Variants in RCAN1 observed in about 807,000 individuals in gnomAD.
The protein encoded by RCAN1 is calcipressin-1.
A neutral mutation model predicts 22.9 loss-of-function variants in RCAN1; 11 were observed. The ratio of observed to expected loss-of-function variants is 0.48; its 90% CI spans 0.30 to 0.79. The LOEUF (loss-of-function observed/expected upper bound fraction) is 0.79. RCAN1 is among the 30% of genes least tolerant of loss of function. The pLI is 0.06. For synonymous variants in RCAN1, 136 were observed against 142.3 expected, an observed-to-expected ratio of 0.96 and a Z score of 0.32; for missense variants, 291 against 337.8, an observed-to-expected ratio of 0.86 and a Z score of 1.09.
chr21:34,523,251 A>G (rs1601130468), intron 2 of RCAN1: 2 of 353,672 alleles, frequency 5.7e-6, no homozygotes, highest in East Asian at 5.8e-5. Context: ...AGCCACGCCT[A>G]CCCCGCTGCA....
At chr21:34,531,463 C>T (rs957589470) in intron 1 of RCAN1, among the ~76,000 whole-genome samples, 1 of 152,220 alleles carries the variant, frequency 6.6e-6, no homozygotes, top group African/African-American at 2.4e-5. Flanking sequence ...CCATCCTTCA[C>T]CGTGCATAGT....
At chr21:34,535,339 T>G (rs1173543106) in intron 1 of RCAN1, among the ~76,000 whole-genome samples, 1 of 152,126 alleles carries the variant, frequency 6.6e-6, no homozygotes, top group African/African-American at 2.4e-5. Context: ...CTCTTAGTAT[T>G]GCTCTCTTAC....
intron 3 of RCAN1, among the ~76,000 whole-genome samples, chr21:34,519,966 T>A (rs1248158049): frequency 2.0e-5 from 3 of 152,218 alleles, no homozygotes; most frequent in Non-Finnish European, 4.4e-5. Flanking sequence ...GGAGGTCAGA[T>A]GGATTGCTGA....
intron 1 of RCAN1, among the ~76,000 whole-genome samples, chr21:34,581,813 G>T (rs1300535022): frequency 6.6e-6 from 1 of 152,218 alleles, no homozygotes; most frequent in Admixed American, 6.5e-5. Context: ...CAAAAGGCAG[G>T]CTGAGAAGCG....
At chr21:34,560,630 A>G (rs891773745) in intron 1 of RCAN1, among the ~76,000 whole-genome samples, 2 of 152,206 alleles carry the variant, frequency 1.3e-5, no homozygotes, top group Non-Finnish European at 2.9e-5. Flanking sequence ...ATTCTTTAAT[A>G]ATTTTAATAC....
At chr21:34,542,375 C>A (rs1384325152) in intron 1 of RCAN1, among the ~76,000 whole-genome samples, 1 of 151,678 alleles carries the variant, frequency 6.6e-6, no homozygotes, top group African/African-American at 2.4e-5. Flanking sequence ...CGGGGCACTT[C>A]CTCTTGGAAC....
chr21:34,528,955 GAA>G (rs66502672), intron 1 of RCAN1, among the ~76,000 whole-genome samples: 52 of 145,016 alleles, frequency 3.6e-4, no homozygotes, highest in African/African-American at 8.1e-4. Context: ...TATATGGATG[GAA>G]AAAAAAAAAA....
chr21:34,583,506 G>C (rs2284601), intron 1 of RCAN1, among the ~76,000 whole-genome samples: 11,433 of 152,128 alleles, frequency 0.075, 536 homozygotes, highest in East Asian at 0.15. Context: ...TAATCTGATC[G>C]GTGTCTTTGT....
intron 1 of RCAN1, among the ~76,000 whole-genome samples, chr21:34,530,643 T>TTTTTA (rs1985342815): frequency 7.9e-6 from 1 of 126,532 alleles, no homozygotes; most frequent in Non-Finnish European, 1.7e-5. Context: ...TTTTTTTTTT[T>TTTTTA]GAGACAGTTT....
At position 34,555,577 on chromosome 21, in the gene RCAN1, A is replaced by AAAT. The variant is rs536003162; in HGVS notation, c.253-31868_253-31867insATT. 3.4e-4 allele frequency among the ~76,000 whole-genome samples: 52 copies of AAAT among 151,076 alleles called. 1 individual carries two copies. The South Asian group carries it at 4.8e-3, about 14-fold the overall frequency. On this transcript the variant is annotated intron_variant, in intron 1 of 3. Coordinates refer to ENST00000313806, the MANE Select transcript of RCAN1 (RefSeq NM_004414.7). ...ACAGAGCAAGGCTGTGTCTCAAAAA[A>AAAT]AAAAATAAATAAAATAATAATAATA...
At chr21:34,538,354 G>T (rs1245112257) in intron 1 of RCAN1, among the ~76,000 whole-genome samples, 1 of 152,106 alleles carries the variant, frequency 6.6e-6, no homozygotes, top group Non-Finnish European at 1.5e-5. Context: ...ACCCATTTAA[G>T]AAACGCTCCC....
At chr21:34,587,825 T>A (rs1987849437) in intron 1 of RCAN1, among the ~76,000 whole-genome samples, 1 of 152,160 alleles carries the variant, frequency 6.6e-6, no homozygotes, top group African/African-American at 2.4e-5. Flanking sequence ...TTATTCTGGA[T>A]GTTTCTGTGC....
At chr21:34,529,696 G>A (rs533155984) in intron 1 of RCAN1, among the ~76,000 whole-genome samples, 1 of 152,262 alleles carries the variant, frequency 6.6e-6, no homozygotes, top group South Asian at 2.1e-4. Context: ...CTTGCTTGCT[G>A]GTTGGATGTC....
At chr21:34,546,058 A>G (rs2834520) in intron 1 of RCAN1, among the ~76,000 whole-genome samples, 36,764 of 152,174 alleles carry the variant, frequency 0.24, 5,183 homozygotes, top group African/African-American at 0.39. Flanking sequence ...GTTGAAGGAC[A>G]TCAGTCAATC....
In RCAN1 at chr21:34,589,938, CACATCTACCGCT is replaced by C. The variant is rs572268635; in HGVS notation, c.252+24810_252+24821del. ...ATAAATTTCTTTATATATCTATATA[CACATCTACCGCT>C]ATGTCTATCCTATTGGTTCTGTTTC... is the stretch of plus-strand genomic sequence containing the variant. On this transcript the variant is annotated intron_variant, in intron 1 of 3. Coordinates refer to ENST00000313806, the MANE Select transcript of RCAN1 (RefSeq NM_004414.7). 4.3e-3 allele frequency among the ~76,000 whole-genome samples: 659 copies of C among 152,324 alleles called. 7 individuals are homozygous for C. The highest frequency in any genetic ancestry group is 7.0e-3 in the Non-Finnish European group (477 of 68,028).
chr21:34,583,108 C>T lies in RCAN1; in HGVS notation c.252+31652G>A, dbSNP rs113464235. ...GAACTATGTTCATGTCCTTCACTCC[C>T]CACAAGTTTATGTGTTGAAGCCCTA... is the stretch of plus-strand genomic sequence containing the variant. On this transcript the variant is annotated intron_variant, in intron 1 of 3. Transcript: ENST00000313806. Among the ~76,000 whole-genome samples, 1,397 of 152,180 alleles carry T rather than the reference C, an allele frequency of 9.2e-3. 12 individuals are homozygous for T. Among genetic ancestry groups the T allele is most frequent in the African/African-American group, 0.032 (1,339 of 41,498 alleles).
At chr21:34,611,556 T>C (rs1988688221) in intron 1 of RCAN1, among the ~76,000 whole-genome samples, 1 of 152,200 alleles carries the variant, frequency 6.6e-6, no homozygotes, top group Non-Finnish European at 1.5e-5. Flanking sequence ...TGACTATATA[T>C]AAAGAAGTTT....
intron 3 of RCAN1, chr21:34,521,183 G>A (rs2123568838): frequency 2.2e-6 from 3 of 1,357,338 alleles, no homozygotes; most frequent in Non-Finnish European, 2.8e-6. Flanking sequence ...ACAGAACCTG[G>A]GGCCGGGGCT....
intron 2 of RCAN1, 106 bp from the exon 3 acceptor site, chr21:34,521,764 C>A (rs568934498): frequency 1.1e-6 from 1 of 916,768 alleles, no homozygotes; most frequent in South Asian, 1.7e-5. Context: ...AATGTCCAGG[C>A]GTCAGGACAG....
Sources: gnomAD v4.1 joint callset for allele counts (sites outside exome capture counted in the v4.1 genomes callset) on GRCh38, gnomAD v4.1.1 for gene constraint, MANE v1.5 for transcripts, NCBI Gene and HGNC (gene_info 2026-07-23, HGNC 2026-07-21) for gene names.